Variants in FBXO47 observed in about 807,000 individuals in gnomAD.
FBXO47 encodes F-box only protein 47.
In FBXO47, 34 loss-of-function variants were observed where a neutral mutation model predicts 53.9. That is an observed-to-expected ratio of 0.63 (90% CI 0.48 to 0.84). FBXO47 has a LOEUF of 0.84. Among genes scored for constraint, FBXO47 ranks in the 40% least tolerant of loss-of-function variants. The pLI, the probability that FBXO47 is intolerant of heterozygous loss-of-function variation, is 0.00. For synonymous variants in FBXO47, 165 were observed against 181.6 expected, an observed-to-expected ratio of 0.91 and a Z score of 0.73; for missense variants, 485 against 541.3, an observed-to-expected ratio of 0.90 and a Z score of 1.03.
intron 6 of FBXO47, among the ~76,000 whole-genome samples, chr17:38,950,394 T>G (rs533581295): frequency 4.0e-4 from 61 of 152,166 alleles, no homozygotes; most frequent in South Asian, 1.0e-3. Flanking sequence ...GTTTTGTTTT[T>G]TTTTCTAAGA....
chr17:38,962,511 CAGG>C (rs1905860248), intron 2 of FBXO47, among the ~76,000 whole-genome samples: 1 of 151,680 alleles, frequency 6.6e-6, no homozygotes, highest in Admixed American at 6.6e-5. Context: ...GAGGCTGAGG[CAGG>C]AGAATAGCTT....
intron 6 of FBXO47, among the ~76,000 whole-genome samples, chr17:38,945,606 C>T (rs1008212471): frequency 6.6e-6 from 1 of 151,944 alleles, no homozygotes; most frequent in African/African-American, 2.4e-5. Flanking sequence ...CAAGACCAGC[C>T]TGGCCAATAT....
At position 38,947,120 on chromosome 17, in the gene FBXO47, A is replaced by C. The variant is rs549638781; in HGVS notation, c.617-1984T>G. ...CATATATATAAACATATATATATAA[A>C]CATATATATAAATATATATATATAT... is the stretch of plus-strand genomic sequence containing the variant. On this transcript the variant is annotated intron_variant, in intron 6 of 10. Transcript: ENST00000378079. 2.2e-3 allele frequency among the ~76,000 whole-genome samples: 313 copies of C among 141,450 alleles called. 2 individuals carry two copies. The highest frequency in any genetic ancestry group is 7.7e-3 in the African/African-American group (294 of 38,292). 92.8% of individuals were successfully genotyped at this position (141,450 alleles called of 152,430 possible). A position where few individuals can be genotyped will look rare whatever the true frequency, so the allele number is the denominator to read the frequency against.
At position 38,957,958 on chromosome 17, in the gene FBXO47, C is replaced by T. The variant is rs184057938; in HGVS notation, c.353-705G>A. Among the ~76,000 whole-genome samples, 918 of 152,072 alleles carry T rather than the reference C, an allele frequency of 6.0e-3. 7 individuals are homozygous for T. The highest frequency in any genetic ancestry group is 8.0e-3 in the Non-Finnish European group (543 of 67,980). On this transcript the variant is annotated intron_variant, in intron 3 of 10. Coordinates refer to ENST00000378079, the MANE Select transcript of FBXO47 (RefSeq NM_001008777.3). ...AAGTGATTCTCCTGCCTCAGCCTCC[C>T]GAGTAGCTGGGACTACAAGTGCACA...
At chr17:38,955,993 G>A (rs1179852078) in intron 4 of FBXO47, among the ~76,000 whole-genome samples, 5 of 141,404 alleles carry the variant, frequency 3.5e-5, no homozygotes, top group African/African-American at 5.4e-5. Context: ...AAAATTAGCC[G>A]AGTGTGGTGG....
chr17:38,959,253 G>A (rs182284885), intron 3 of FBXO47, among the ~76,000 whole-genome samples: 3 of 151,580 alleles, frequency 2.0e-5, no homozygotes, highest in African/African-American at 7.3e-5. Context: ...TTTCCACATT[G>A]GCCATCTGCT....
chr17:38,965,541 G>A (rs1906060058), intron 1 of FBXO47, among the ~76,000 whole-genome samples: 1 of 151,708 alleles, frequency 6.6e-6, no homozygotes, highest in African/African-American at 2.4e-5. Context: ...AGTATTCAGT[G>A]AACACTTAAA....
rs773601403 is a variant in FBXO47, at chr17:38,942,837, T to C, written c.1024A>G (p.Ser342Gly). 5 of 1,613,822 alleles carry C rather than the reference T, an allele frequency of 3.1e-6. No individual in the cohort carries two copies. The highest frequency in any genetic ancestry group is 1.6e-4 in the Middle Eastern group (1 of 6,062). Residue 342 changes from serine (S) to glycine (G), a missense_variant, in exon 9 of 11, where the codon AGT becomes GGT. Coordinates refer to ENST00000378079, the MANE Select transcript of FBXO47 (RefSeq NM_001008777.3). ...GNNICFSFMA[S>G]KAVNGRTIEL... is the part of the protein sequence containing the mutation. ...ATGGTGCGTCCATTCACAGCTTTAC[T>C]AGCCATGAAACTGAAACAGATGTTG...
chr17:38,941,036 G>A (rs1322214074), intron 9 of FBXO47, among the ~76,000 whole-genome samples: 2 of 151,478 alleles, frequency 1.3e-5, no homozygotes, highest in Non-Finnish European at 2.9e-5. Context: ...CCAGGCTAGA[G>A]TGCAGTGGTG....
intron 6 of FBXO47, among the ~76,000 whole-genome samples, chr17:38,946,307 AATATATAAAT>A (rs1177391894): frequency 1.3e-4 from 6 of 45,022 alleles, no homozygotes; most frequent in East Asian, 1.9e-3. Flanking sequence ...AATATATATA[AATATATAAAT>A]ATATATAAAT....
chr17:38,956,132 T>A (rs1322366108), intron 4 of FBXO47, among the ~76,000 whole-genome samples: 1 of 147,364 alleles, frequency 6.8e-6, no homozygotes, highest in African/African-American at 2.5e-5. Context: ...TGAGACTCCA[T>A]CTCAAAAAAA....
rs1915591536 is a variant in FBXO47 at position 38,936,822 on chromosome 17, G to T, written c.*353C>A. On this transcript the variant is annotated 3_prime_UTR_variant, in exon 11 of 11. Coordinates refer to ENST00000378079, the MANE Select transcript of FBXO47 (RefSeq NM_001008777.3). Reference sequence around the variant, plus strand: ...ACATACACACTATTTAGTGAATTTGGGTCTAACTATAAAATGGAATTTTCT... The same window carrying T: ...ACATACACACTATTTAGTGAATTTGTGTCTAACTATAAAATGGAATTTTCT... 5.9e-6 allele frequency: 1 copy of T among 168,738 alleles called. No homozygotes were observed. Among genetic ancestry groups the T allele is most frequent in the Non-Finnish European group, 1.3e-5 (1 of 79,558 alleles). 10.5% of individuals were successfully genotyped at this position (168,738 alleles called of 1,614,324 possible).
chr17:38,947,514 C>G (rs935059457), intron 6 of FBXO47, among the ~76,000 whole-genome samples: 2 of 152,182 alleles, frequency 1.3e-5, no homozygotes, highest in Non-Finnish European at 2.9e-5. Flanking sequence ...CACTATATTG[C>G]TCAGGCTGGT....
chr17:38,946,093 T>C (rs532658230), intron 6 of FBXO47, among the ~76,000 whole-genome samples: 75 of 126,810 alleles, frequency 5.9e-4, no homozygotes, highest in Middle Eastern at 7.9e-3. Context: ...AATACATAAA[T>C]ATATATTTAT....
At chr17:38,944,883 T>TGTGTGTGTGTGTG in intron 7 of FBXO47, 77 bp downstream of exon 7, 1 of 1,192,546 alleles carries the variant, frequency 8.4e-7, no homozygotes. Context: ...TAATATATGC[T>TGTGTGTGTGTGTG]TCCTAAATAT....
In FBXO47 at chr17:38,945,009, A is replaced by G; in HGVS notation, c.744T>C (p.Asn248=). The stretch of plus-strand genomic sequence containing the variant: ...AGATGATATACAGTAATCTTGCCTG[A>G]TTCACCATTGGCCATGGTTTTAATA... ...TRILKPWPMV[N]QARLLYIIFG... The change falls in exon 7 of 11, where the codon AAT becomes AAC. Residue 248 remains asparagine, a synonymous_variant. Transcript: ENST00000378079. 1 of 1,614,086 alleles carries G rather than the reference A, an allele frequency of 6.2e-7. No homozygotes were observed. Among genetic ancestry groups the G allele is most frequent in the South Asian group, 1.1e-5 (1 of 91,078 alleles).
At chr17:38,955,523 A>C (rs569604161) in intron 4 of FBXO47, among the ~76,000 whole-genome samples, 2 of 151,790 alleles carry the variant, frequency 1.3e-5, no homozygotes, top group Non-Finnish European at 2.9e-5. Context: ...GGCTCACTGA[A>C]GCCTCTGCCT....
At position 38,945,103 on chromosome 17, in the gene FBXO47, A is replaced by C. The variant is rs1251148548; in HGVS notation, c.650T>G (p.Leu217Arg). Residue 217 changes from leucine to arginine, a missense_variant, in exon 7 of 11, where the codon CTC becomes CGC. Leu to Arg is a moderately radical substitution (Grantham distance 102, BLOSUM62 -2). Transcript: ENST00000378079. ...ATCAAGGAGGACATTCCTACAGAAG[A>C]GTCTGATTCTTAACTCCAGTTTTTG... is the stretch of plus-strand genomic sequence containing the variant. Reference protein sequence around the residue: ...SAQKLELRIRLFCRNVLLDHW... With the variant: ...SAQKLELRIRRFCRNVLLDHW... 1.2e-6 allele frequency: 2 copies of C among 1,613,282 alleles called. No individual in the cohort carries two copies. The highest frequency in any genetic ancestry group is 1.3e-5 in the African/African-American group (1 of 74,900).
At chr17:38,947,003 T>C (rs1904957758) in intron 6 of FBXO47, among the ~76,000 whole-genome samples, 1 of 136,240 alleles carries the variant, frequency 7.3e-6, no homozygotes, top group South Asian at 2.1e-4. Context: ...CATATACAAA[T>C]ATATGTAAAT....
Sources: allele counts gnomAD v4.1 joint callset (sites outside exome capture counted in the v4.1 genomes callset), GRCh38; gene constraint gnomAD v4.1.1; transcripts MANE v1.5; gene names NCBI Gene and HGNC (gene_info 2026-07-23, HGNC 2026-07-21).